WASHC2A: variants seen among roughly 807,000 people sequenced by gnomAD.
WASHC2A encodes the protein WASH complex subunit 2A.
Under a neutral mutation model 140.3 loss-of-function variants are expected in WASHC2A, and 82 were observed. The ratio of observed to expected loss-of-function variants is 0.58; its 90% CI spans 0.49 to 0.70. WASHC2A has a LOEUF of 0.70. Among genes scored for constraint, WASHC2A ranks in the 30% least tolerant of loss-of-function variants. The pLI, the probability that WASHC2A is intolerant of heterozygous loss-of-function variation, is 0.00. For missense variants in WASHC2A, 985 were observed against 1,521.8 expected (o/e 0.65, Z 5.87); for synonymous variants, 340 against 560.8 (o/e 0.61, Z 5.56).
At chr10:50,106,491 G>A in intron 19 of WASHC2A, 26 bp downstream of exon 19, 1 of 1,608,826 alleles carries the variant, frequency 6.2e-7, no homozygotes. Flanking sequence ...TGCTAAAGAA[G>A]AGGGGATTAT....
At chr10:50,128,293 CT>C (rs1345733030) in intron 28 of WASHC2A, among the ~76,000 whole-genome samples, 1 of 152,152 alleles carries the variant, frequency 6.6e-6, no homozygotes, top group Non-Finnish European at 1.5e-5. Flanking sequence ...ATGGTCTGTT[CT>C]GCTGCTGCCC....
At chr10:50,113,206 A>G (rs1164136444) in intron 20 of WASHC2A, among the ~76,000 whole-genome samples, 1 of 151,590 alleles carries the variant, frequency 6.6e-6, no homozygotes, top group African/African-American at 2.4e-5. Context: ...CACCTCTCCA[A>G]AAAAGTAAAA....
At chr10:50,068,801 T>C (rs1837531073) in intron 2 of WASHC2A, among the ~76,000 whole-genome samples, 1 of 149,448 alleles carries the variant, frequency 6.7e-6, no homozygotes, top group Non-Finnish European at 1.5e-5. Flanking sequence ...CACTGAATCC[T>C]CTGGGGTTCA....
intron 3 of WASHC2A, among the ~76,000 whole-genome samples, chr10:50,069,942 C>T (rs1417047149): frequency 6.6e-6 from 1 of 152,062 alleles, no homozygotes; most frequent in South Asian, 2.1e-4. Context: ...TCGGTGCTTC[C>T]ATCTTTTGTC....
At chr10:50,095,554 C>T (rs1840405966) in intron 14 of WASHC2A, 45 bp from the exon 15 acceptor site, 4 of 1,610,800 alleles carry the variant, frequency 2.5e-6, no homozygotes, top group African/African-American at 1.3e-5. Flanking sequence ...TTCAACCGGC[C>T]CACACTGGCT....
At chr10:50,106,107 ATG>A (rs1841751472) in intron 18 of WASHC2A, among the ~76,000 whole-genome samples, 2 of 150,536 alleles carry the variant, frequency 1.3e-5, no homozygotes, top group African/African-American at 4.9e-5. Context: ...TCCTGCTTAT[ATG>A]CAGCTGTTCT....
At chr10:50,108,990 T>C (rs1842032256) in intron 19 of WASHC2A, among the ~76,000 whole-genome samples, 3 of 151,460 alleles carry the variant, frequency 2.0e-5, no homozygotes, top group Admixed American at 1.3e-4. Context: ...AGCCTCGTCA[T>C]TGGAGTTTTG....
intron 17 of WASHC2A, among the ~76,000 whole-genome samples, chr10:50,103,552 T>G (rs1259757423): frequency 6.3e-4 from 96 of 151,398 alleles, no homozygotes; most frequent in Non-Finnish European, 1.2e-3. Flanking sequence ...AGAGCGAGAC[T>G]CCGCCTCAAA....
chr10:50,078,902 A>G (rs1838629195), intron 4 of WASHC2A, among the ~76,000 whole-genome samples, 165 bp downstream of exon 4: 1 of 152,244 alleles, frequency 6.6e-6, no homozygotes, highest in Non-Finnish European at 1.5e-5. Flanking sequence ...TCTGAAATGT[A>G]GTGTATTAAC....
At chr10:50,123,192 G>A (rs1554893877) in intron 23 of WASHC2A, among the ~76,000 whole-genome samples, 1 of 122,298 alleles carries the variant, frequency 8.2e-6, no homozygotes, top group Non-Finnish European at 1.7e-5. Flanking sequence ...ACAGTTTGCT[G>A]TTCTTCAAAT....
At chr10:50,100,184 T>C in intron 17 of WASHC2A, 120 bp downstream of exon 17, 4 of 1,485,178 alleles carry the variant, frequency 2.7e-6, no homozygotes, top group Non-Finnish European at 3.7e-6. Context: ...TCCAGTTCTT[T>C]AAAAATTATC....
chr10:50,091,378 A>G, intron 9 of WASHC2A, 53 bp from the exon 10 acceptor site: 1 of 1,540,980 alleles, frequency 6.5e-7, no homozygotes, highest in South Asian at 1.2e-5. Context: ...GTCCAAAGTG[A>G]AGTGTACTAG....
chr10:50,129,140 A>G (rs995318166), intron 28 of WASHC2A, among the ~76,000 whole-genome samples: 1 of 152,202 alleles, frequency 6.6e-6, no homozygotes, highest in Admixed American at 6.5e-5. Flanking sequence ...AGCAACAGAT[A>G]AAACTTTTTG....
chr10:50,083,747 C>T (rs79066915), intron 5 of WASHC2A, among the ~76,000 whole-genome samples: 41,009 of 102,078 alleles, frequency 0.4, 11,234 homozygotes, highest in East Asian at 0.52. Context: ...TTAGTAGAGA[C>T]GGGGTTTCAC....
At chr10:50,097,948 C>T (rs1840655204) in intron 16 of WASHC2A, 146 bp downstream of exon 16, 4 of 841,642 alleles carry the variant, frequency 4.8e-6, no homozygotes, top group East Asian at 2.7e-5. Context: ...GCAGTGAACA[C>T]CCAAATAACT....
chr10:50,094,449 T>G (rs1840248739), intron 13 of WASHC2A, among the ~76,000 whole-genome samples: 1 of 150,962 alleles, frequency 6.6e-6, no homozygotes, highest in South Asian at 2.1e-4. Context: ...AATACAGGCA[T>G]GAGCCACTGC....
rs1164152189 is a variant in WASHC2A, at chr10:50,119,971, G to C, written c.2478+202G>C. Among the ~76,000 whole-genome samples the C allele has an allele frequency of 3.6e-5, 5 of 137,186 alleles. 1 individual carries two copies. Among genetic ancestry groups the C allele is most frequent in the African/African-American group, 1.5e-4 (5 of 33,976 alleles). 90.0% of individuals were successfully genotyped at this position (137,186 alleles called of 152,430 possible). A position where few individuals can be genotyped will look rare whatever the true frequency, so the allele number is the denominator to read the frequency against. ...GTAGCAGTGTTAGGATAGGGGATTA[G>C]AATTTCACCCCCCCTCTTCTGGGAT... On this transcript the variant is annotated intron_variant, in intron 23 of 30. Transcript: ENST00000282633.
intron 21 of WASHC2A, among the ~76,000 whole-genome samples, chr10:50,114,528 G>GC (rs1164377772): frequency 8.3e-6 from 1 of 121,132 alleles, no homozygotes; most frequent in Non-Finnish European, 1.8e-5. Flanking sequence ...CATACTGCAG[G>GC]CCAAAAAAAA....
chr10:50,078,410 G>T (rs1465373460), intron 3 of WASHC2A, among the ~76,000 whole-genome samples: 2 of 151,820 alleles, frequency 1.3e-5, no homozygotes, highest in African/African-American at 4.8e-5. Context: ...TGCAACTCTT[G>T]GTTTACAACG....
Sources: allele counts gnomAD v4.1 joint callset (sites outside exome capture counted in the v4.1 genomes callset), GRCh38; gene constraint gnomAD v4.1.1; transcripts MANE v1.5; gene names NCBI Gene and HGNC (gene_info 2026-07-23, HGNC 2026-07-21).